CRB1: variants seen among roughly 807,000 people sequenced by gnomAD.
CRB1 encodes crumbs cell polarity complex component 1.
A neutral mutation model predicts 120.0 loss-of-function variants in CRB1; 83 were observed. The ratio of observed to expected loss-of-function variants is 0.69; its 90% confidence interval spans 0.58 to 0.83. CRB1 has a LOEUF of 0.83. Ranked by LOEUF, CRB1 falls within the 40% of genes least tolerant of loss-of-function variation. The probability of loss-of-function intolerance (pLI) is 0.00; values close to 1 mark genes in which losing one functional copy is unlikely to be tolerated. For missense variants in CRB1, 1,699 were observed against 1,687.6 expected, an observed-to-expected ratio of 1.01 and a Z score of -0.12; for synonymous variants, 625 against 612.5, an observed-to-expected ratio of 1.02 and a Z score of -0.30.
At chr1:197,428,936 G>A (rs1664733046) in intron 7 of CRB1, 2 of 1,516,524 alleles carry the variant, frequency 1.3e-6, no homozygotes, top group Admixed American at 4.1e-5. Flanking sequence ...GAGCAACCTT[G>A]TGAGAACTCA....
chr1:197,342,161 T>C lies in CRB1; in HGVS notation c.653-2120T>C, dbSNP rs142638895. Reference sequence around the variant, plus strand: ...CTTCATCTTTATTCCACTGCAGCCATACATTGATCCAATTTCAAGTTAGAC... The same window carrying C: ...CTTCATCTTTATTCCACTGCAGCCACACATTGATCCAATTTCAAGTTAGAC... On this transcript the variant is annotated intron_variant, in intron 2 of 11. Coordinates refer to ENST00000367400, the MANE Select transcript of CRB1 (RefSeq NM_201253.3). 1.4e-3 allele frequency among the ~76,000 whole-genome samples: 216 copies of C among 152,348 alleles called. 4 individuals carry two copies. The South Asian group carries it at 0.018, about 13-fold the overall frequency.
At chr1:197,341,379 CA>C (rs1436666347) in intron 2 of CRB1, among the ~76,000 whole-genome samples, 38 of 152,064 alleles carry the variant, frequency 2.5e-4, no homozygotes, top group African/African-American at 8.7e-4. Context: ...CCCATCTCTA[CA>C]AAAAATACAA....
intron 1 of CRB1, among the ~76,000 whole-genome samples, chr1:197,310,330 A>G (rs1422676711): frequency 6.6e-6 from 1 of 152,132 alleles, no homozygotes. Flanking sequence ...CTAGGAACAC[A>G]TCGTCTTTTG....
intron 2 of CRB1, among the ~76,000 whole-genome samples, chr1:197,332,822 G>A (rs1231092132): frequency 6.6e-6 from 1 of 152,212 alleles, no homozygotes; most frequent in Admixed American, 6.5e-5. Context: ...TAGACACACA[G>A]GGAAGTGTGT....
chr1:197,356,067 G>T (rs935072248), intron 4 of CRB1, among the ~76,000 whole-genome samples: 1 of 152,254 alleles, frequency 6.6e-6, no homozygotes, highest in Non-Finnish European at 1.5e-5. Context: ...ATACTTGGCA[G>T]TAGTTATAAA....
chr1:197,271,265 GA>G (rs1288509794), intron 1 of CRB1, among the ~76,000 whole-genome samples: 1 of 152,144 alleles, frequency 6.6e-6, no homozygotes, highest in Non-Finnish European at 1.5e-5. Flanking sequence ...AGGAATCAAT[GA>G]TTCTTTCTTC....
At chr1:197,469,242 C>G (rs1035014817) in intron 11 of CRB1, among the ~76,000 whole-genome samples, 1 of 152,112 alleles carries the variant, frequency 6.6e-6, no homozygotes, top group Non-Finnish European at 1.5e-5. Context: ...TAAATAAAAT[C>G]AAAATTGGCA....
chr1:197,272,465 T>C (rs1475553955), intron 1 of CRB1, among the ~76,000 whole-genome samples: 1 of 152,046 alleles, frequency 6.6e-6, no homozygotes, highest in East Asian at 1.9e-4. Flanking sequence ...TTTTTCATCA[T>C]TGGTGATTTT....
At chr1:197,422,492 A>G (rs1664387164) in intron 6 of CRB1, among the ~76,000 whole-genome samples, 1 of 151,862 alleles carries the variant, frequency 6.6e-6, no homozygotes, top group Non-Finnish European at 1.5e-5. Context: ...ATTCAAAGGT[A>G]TCTTTTCCAA....
At chr1:197,407,378 A>G (rs907032291) in intron 5 of CRB1, among the ~76,000 whole-genome samples, 4 of 152,230 alleles carry the variant, frequency 2.6e-5, no homozygotes, top group African/African-American at 9.6e-5. Context: ...AGAAACCTCT[A>G]TCAACTAAAG....
Position 197,379,601 on chromosome 1 carries a change from C to T in CRB1, c.1171+22588C>T, listed in dbSNP as rs549661739. ...AGGCGTGAGCCACCAAGCCCGGCCC[C>T]GGCCAAAAAAAAAAAAAAAAAAAAA... On this transcript the variant is annotated intron_variant, in intron 5 of 11. Coordinates refer to ENST00000367400, the MANE Select transcript of CRB1 (RefSeq NM_201253.3). Among the ~76,000 whole-genome samples the T allele has an allele frequency of 4.1e-4, 49 of 119,142 alleles. No homozygotes were observed. In the East Asian group the frequency reaches 5.6e-3, roughly 14 times the overall value. The allele number at this position is 119,142 out of a possible 152,430, so 78.2% of individuals were successfully genotyped here. A position where few individuals can be genotyped will look rare whatever the true frequency, so the allele number is the denominator to read the frequency against.
At chr1:197,393,920 G>A (rs1419625101) in intron 5 of CRB1, among the ~76,000 whole-genome samples, 2 of 152,032 alleles carry the variant, frequency 1.3e-5, no homozygotes, top group African/African-American at 4.8e-5. Flanking sequence ...CAAAAACTAC[G>A]ATAATGATCT....
intron 9 of CRB1, 78 bp downstream of exon 9, chr1:197,435,690 TCTC>T (rs765341183): frequency 7.7e-5 from 99 of 1,289,498 alleles, no homozygotes; most frequent in Non-Finnish European, 1.1e-4. Context: ...TGGAAAGCTC[TCTC>T]CTCAAGGTAT....
intron 5 of CRB1, among the ~76,000 whole-genome samples, chr1:197,378,069 G>A (rs1661739577): frequency 6.6e-6 from 1 of 152,184 alleles, no homozygotes; most frequent in Non-Finnish European, 1.5e-5. Flanking sequence ...GAGCCACAAG[G>A]TTTTGTTGAC....
chr1:197,387,780 T>A (rs997893292), intron 5 of CRB1, among the ~76,000 whole-genome samples: 3 of 151,856 alleles, frequency 2.0e-5, no homozygotes, highest in Non-Finnish European at 4.4e-5. Flanking sequence ...AGAATACAAG[T>A]TTATTAAAGG....
At chr1:197,387,960 T>C (rs1333531102) in intron 5 of CRB1, among the ~76,000 whole-genome samples, 1 of 151,966 alleles carries the variant, frequency 6.6e-6, no homozygotes, top group East Asian at 1.9e-4. Flanking sequence ...TATGTATTTA[T>C]ATAATTGAAA....
At chr1:197,202,095 A>G in the CRB1 span, among the ~76,000 whole-genome samples, 1 of 152,100 alleles carries the variant, frequency 6.6e-6, no homozygotes, top group Admixed American at 6.5e-5. Flanking sequence ...TAAGGAATAT[A>G]AGATGAAGGC....
chr1:197,252,582 A>ATATATATATCTG, the CRB1 span, among the ~76,000 whole-genome samples: 1 of 15,512 alleles, frequency 6.4e-5, no homozygotes, highest in Non-Finnish European at 1.4e-4. Context: ...ATATATATAT[A>ATATATATATCTG]TGTGTGTGTG....
chr1:197,262,466 A>G, the CRB1 span, among the ~76,000 whole-genome samples: 1 of 152,186 alleles, frequency 6.6e-6, no homozygotes, highest in African/African-American at 2.4e-5. Context: ...TTAACGACAA[A>G]TGCTGCTGAC....
Sources: gnomAD v4.1 joint callset for allele counts (sites outside exome capture counted in the v4.1 genomes callset) on GRCh38, gnomAD v4.1.1 for gene constraint, MANE v1.5 for transcripts, NCBI Gene and HGNC (gene_info 2026-07-23, HGNC 2026-07-21) for gene names.